The following VIT variants were observed in gnomAD, a reference collection of about 807,000 sequenced individuals.
VIT encodes vitrin.
Under a neutral mutation model 78.0 loss-of-function variants are expected in VIT, and 99 were observed. The ratio of observed to expected loss-of-function variants is 1.27; its 90% confidence interval spans 1.08 to 1.50. The LOEUF is 1.50. Among genes scored for constraint, VIT ranks in the 40% most tolerant of loss-of-function variants. The pLI is 0.00. For synonymous variants in VIT, 374 were observed against 334.3 expected (o/e 1.12, Z -1.29); for missense variants, 1,126 against 875.3 (o/e 1.29, Z -3.61).
chr2:36,789,053 G>A (rs1197385257), intron 12 of VIT, among the ~76,000 whole-genome samples: 2 of 152,160 alleles, frequency 1.3e-5, no homozygotes, highest in African/African-American at 2.4e-5. Context: ...CCTTGTGTCT[G>A]CCTTTTTCAC....
At chr2:36,763,672 C>T (rs933091405) in intron 6 of VIT, among the ~76,000 whole-genome samples, 6 of 149,016 alleles carry the variant, frequency 4.0e-5, no homozygotes, top group African/African-American at 1.0e-4. Context: ...TCTCCACAAC[C>T]TCCGCCTCCC....
chr2:36,760,058 G>GA (rs1309625619), intron 6 of VIT, among the ~76,000 whole-genome samples: 1 of 150,652 alleles, frequency 6.6e-6, no homozygotes, highest in Non-Finnish European at 1.5e-5. Context: ...GCAGTGGTGC[G>GA]ATCTCAGCTC....
chr2:36,751,847 G>A (rs1157354072), intron 4 of VIT, among the ~76,000 whole-genome samples: 1 of 152,128 alleles, frequency 6.6e-6, no homozygotes, highest in Non-Finnish European at 1.5e-5. Flanking sequence ...CTATTCAAAG[G>A]GAAGATAAAT....
At chr2:36,771,132 A>G (rs1049113082) in intron 7 of VIT, among the ~76,000 whole-genome samples, 3 of 152,266 alleles carry the variant, frequency 2.0e-5, no homozygotes, top group Non-Finnish European at 4.4e-5. Flanking sequence ...TCTTACAAAT[A>G]GTAAGAAAAA....
chr2:36,811,303 ACATCT>A (rs1255258413), intron 15 of VIT, among the ~76,000 whole-genome samples: 1 of 152,134 alleles, frequency 6.6e-6, no homozygotes, highest in Non-Finnish European at 1.5e-5. Flanking sequence ...CTTTCTCCAA[ACATCT>A]GTCCCCAGTT....
intron 12 of VIT, among the ~76,000 whole-genome samples, chr2:36,799,145 T>G (rs1301451515): frequency 6.6e-6 from 1 of 152,220 alleles, no homozygotes; most frequent in Non-Finnish European, 1.5e-5. Flanking sequence ...CCTTGCCTTG[T>G]AAATAAGCCA....
intron 1 of VIT, among the ~76,000 whole-genome samples, chr2:36,707,295 C>T (rs1228195218): frequency 6.6e-6 from 1 of 152,154 alleles, no homozygotes; most frequent in Non-Finnish European, 1.5e-5. Flanking sequence ...CCCTCCTCCC[C>T]TCGAGTTAGC....
intron 4 of VIT, among the ~76,000 whole-genome samples, chr2:36,744,001 T>C (rs558304623): frequency 6.6e-6 from 1 of 152,282 alleles, no homozygotes; most frequent in Middle Eastern, 3.4e-3. Context: ...GTTGTTCCCA[T>C]CTTTGCATCC....
At chr2:36,735,951 A>C (rs991560239) in intron 3 of VIT, among the ~76,000 whole-genome samples, 1 of 152,232 alleles carries the variant, frequency 6.6e-6, no homozygotes, top group Non-Finnish European at 1.5e-5. Context: ...GAGGGAAAAA[A>C]TGCAATGGGA....
chr2:36,813,391 G>C (rs1342637881), intron 15 of VIT, among the ~76,000 whole-genome samples: 1 of 152,148 alleles, frequency 6.6e-6, no homozygotes, highest in Non-Finnish European at 1.5e-5. Context: ...GGAGGTTGCA[G>C]TGAGTGGAGG....
Position 36,814,760 on chromosome 2 carries a change from T to A in VIT, c.*399T>A, listed in dbSNP as rs1374144776. 6.2e-6 allele frequency: 1 copy of A among 161,076 alleles called. No homozygotes were observed. Among genetic ancestry groups the A allele is most frequent in the East Asian group, 1.8e-4 (1 of 5,636 alleles). The allele number at this position is 161,076 out of a possible 1,614,324, so 10.0% of individuals were successfully genotyped here. A position where few individuals can be genotyped will look rare whatever the true frequency, so the allele number is the denominator to read the frequency against. On this transcript the variant is annotated 3_prime_UTR_variant, in exon 16 of 16. Transcript: ENST00000379242. ...CATTTTTGTCATGACAATGTAGGAA[T>A]TGCTGAATTAAATGTTTAGAAGGAT...
intron 12 of VIT, among the ~76,000 whole-genome samples, chr2:36,797,027 C>T (rs1450938776): frequency 6.6e-6 from 1 of 151,590 alleles, no homozygotes; most frequent in Non-Finnish European, 1.5e-5. Flanking sequence ...TGGACAATTA[C>T]ATATTTATTA....
intron 11 of VIT, among the ~76,000 whole-genome samples, 160 bp downstream of exon 11, chr2:36,783,562 T>C (rs1173470554): frequency 6.6e-6 from 1 of 152,198 alleles, no homozygotes; most frequent in African/African-American, 2.4e-5. Flanking sequence ...GGGAAGCTTT[T>C]GAAGGATATA....
intron 1 of VIT, among the ~76,000 whole-genome samples, chr2:36,701,094 T>C (rs148752720): frequency 1.7e-4 from 14 of 83,614 alleles, no homozygotes; most frequent in African/African-American, 4.6e-4. Flanking sequence ...TCAAGCCAAG[T>C]GAAATTTCTT....
At chr2:36,723,781 G>C (rs1358855371) in intron 2 of VIT, among the ~76,000 whole-genome samples, 1 of 151,862 alleles carries the variant, frequency 6.6e-6, no homozygotes, top group East Asian at 1.9e-4. Context: ...GTGAGGCTCT[G>C]TCTCTATAAA....
intron 2 of VIT, among the ~76,000 whole-genome samples, chr2:36,727,529 G>A (rs1573163342): frequency 6.6e-6 from 1 of 152,306 alleles, no homozygotes; most frequent in African/African-American, 2.4e-5. Flanking sequence ...TCTGGAAAAT[G>A]GAGATTTGTC....
intron 3 of VIT, among the ~76,000 whole-genome samples, chr2:36,737,003 T>G (rs10490663): frequency 0.017 from 2,581 of 152,148 alleles, 72 homozygotes; most frequent in African/African-American, 0.06. Context: ...ACCATGAAGA[T>G]CCAATTAGTG....
At chr2:36,744,596 A>G (rs777142854) in intron 4 of VIT, among the ~76,000 whole-genome samples, 17 of 151,936 alleles carry the variant, frequency 1.1e-4, no homozygotes, top group Non-Finnish European at 1.8e-4. Context: ...ATTTTTTCAT[A>G]TGTTTGTTGG....
intron 4 of VIT, among the ~76,000 whole-genome samples, chr2:36,753,001 T>C (rs1269302786): frequency 6.6e-6 from 1 of 152,172 alleles, no homozygotes; most frequent in Non-Finnish European, 1.5e-5. Context: ...ATATGGTACA[T>C]ATACACCATG....
Sources: gnomAD v4.1 joint callset for allele counts (sites outside exome capture counted in the v4.1 genomes callset) on GRCh38, gnomAD v4.1.1 for gene constraint, MANE v1.5 for transcripts, NCBI Gene and HGNC (gene_info 2026-07-23, HGNC 2026-07-21) for gene names.